Variants in SPIDR observed in about 807,000 individuals in gnomAD.
SPIDR encodes scaffold protein involved in DNA repair, also known as DNA repair-scaffolding protein.
In SPIDR, 93 loss-of-function variants were observed where a neutral mutation model predicts 104.6. That is an observed-to-expected ratio of 0.89 (90% CI 0.75 to 1.06). The LOEUF is 1.06. SPIDR is among the 50% of genes least tolerant of loss of function. SPIDR has a pLI of 0.00. For missense variants in SPIDR, 1,154 were observed against 1,111.2 expected (o/e 1.04, Z -0.55); for synonymous variants, 431 against 416.9 (o/e 1.03, Z -0.41).
intron 8 of SPIDR, among the ~76,000 whole-genome samples, chr8:47,470,742 CT>C (rs200627161): frequency 6.7e-6 from 1 of 148,882 alleles, no homozygotes; most frequent in Non-Finnish European, 1.5e-5. Context: ...GACTAAAACT[CT>C]TTTTTTTTTG....
chr8:47,596,436 G>C (rs545063459), intron 9 of SPIDR, among the ~76,000 whole-genome samples: 137 of 152,306 alleles, frequency 9.0e-4, no homozygotes, highest in African/African-American at 3.2e-3. Context: ...ATGGTGGCAA[G>C]TACTTGTGTA....
At chr8:47,342,324 A>C (rs1378799108) in intron 5 of SPIDR, among the ~76,000 whole-genome samples, 2 of 136,074 alleles carry the variant, frequency 1.5e-5, no homozygotes, top group African/African-American at 2.8e-5. Flanking sequence ...GTACTTTCAA[A>C]GGTCTTTTTT....
intron 8 of SPIDR, among the ~76,000 whole-genome samples, chr8:47,556,346 G>T (rs2091320901): frequency 6.6e-6 from 1 of 152,114 alleles, no homozygotes; most frequent in Non-Finnish European, 1.5e-5. Flanking sequence ...CCATTCATTG[G>T]CTTCATTCTA....
At chr8:47,402,365 T>G (rs1238433191) in intron 6 of SPIDR, among the ~76,000 whole-genome samples, 1 of 152,036 alleles carries the variant, frequency 6.6e-6, no homozygotes, top group Non-Finnish European at 1.5e-5. Context: ...AGAGCAGAAC[T>G]GAAGGAGATA....
At chr8:47,393,387 G>A (rs530240487) in intron 5 of SPIDR, among the ~76,000 whole-genome samples, 8 of 152,192 alleles carry the variant, frequency 5.3e-5, no homozygotes, top group East Asian at 3.9e-4. Flanking sequence ...CCACACCAGC[G>A]TAGTTTCCTC....
chr8:47,383,714 T>C (rs551102842), intron 5 of SPIDR, among the ~76,000 whole-genome samples: 1 of 152,352 alleles, frequency 6.6e-6, no homozygotes, highest in East Asian at 1.9e-4. Flanking sequence ...ACCTGTGTGC[T>C]CTCTTTCTAT....
chr8:47,371,128 G>GTT (rs56285452), intron 5 of SPIDR, among the ~76,000 whole-genome samples: 12 of 128,550 alleles, frequency 9.3e-5, no homozygotes, highest in African/African-American at 1.2e-4. Context: ...ACACAAGCAG[G>GTT]TTTTTTTTTT....
chr8:47,464,981 C>T (rs782555203), intron 8 of SPIDR, among the ~76,000 whole-genome samples: 6 of 152,142 alleles, frequency 3.9e-5, no homozygotes, highest in Non-Finnish European at 5.9e-5. Context: ...CCAGGCTGGT[C>T]TTGAACTCCT....
chr8:47,676,031 T>C lies in SPIDR; in HGVS notation c.1685+2090T>C, dbSNP rs575414407. 7.2e-5 allele frequency among the ~76,000 whole-genome samples: 11 copies of C among 152,366 alleles called. No individual in the cohort carries two copies. The South Asian group carries it at 1.2e-3, about 17-fold the overall frequency. The stretch of plus-strand genomic sequence containing the variant: ...TGTTCTGGCTGGAGACTGCAGGACG[T>C]AGCATCTTACAGAAATACTGCTGGG... On this transcript the variant is annotated intron_variant, in intron 11 of 19. Transcript: ENST00000297423.
At chr8:47,584,245 G>A (rs150453272) in intron 8 of SPIDR, among the ~76,000 whole-genome samples, 1 of 152,128 alleles carries the variant, frequency 6.6e-6, no homozygotes, top group South Asian at 2.1e-4. Context: ...TGATCTTTTG[G>A]ATCTACTTAG....
intron 8 of SPIDR, among the ~76,000 whole-genome samples, chr8:47,569,938 T>C (rs940406209): frequency 2.4e-4 from 36 of 152,292 alleles, no homozygotes; most frequent in African/African-American, 8.2e-4. Flanking sequence ...AAAACAAGTG[T>C]AATACACTCT....
intron 8 of SPIDR, among the ~76,000 whole-genome samples, chr8:47,486,751 C>A (rs931159200): frequency 6.6e-6 from 1 of 152,082 alleles, no homozygotes; most frequent in South Asian, 2.1e-4. Flanking sequence ...AGCCAAACTA[C>A]GCTTCATAAG....
intron 5 of SPIDR, among the ~76,000 whole-genome samples, chr8:47,317,840 G>A (rs959845943): frequency 8.5e-5 from 13 of 152,326 alleles, no homozygotes; most frequent in South Asian, 2.1e-4. Flanking sequence ...GAAACAGGGT[G>A]TGGAGTGGAC....
chr8:47,326,161 G>C (rs557697259), intron 5 of SPIDR, among the ~76,000 whole-genome samples: 2 of 152,114 alleles, frequency 1.3e-5, no homozygotes, highest in African/African-American at 4.8e-5. Flanking sequence ...CGTCCTGCTC[G>C]TTTCTGTATT....
intron 5 of SPIDR, among the ~76,000 whole-genome samples, chr8:47,352,097 T>A (rs1249693698): frequency 1.3e-5 from 2 of 152,126 alleles, no homozygotes; most frequent in African/African-American, 4.8e-5. Flanking sequence ...GCCAACTTGA[T>A]GAAACCCCGT....
intron 16 of SPIDR, among the ~76,000 whole-genome samples, chr8:47,725,039 C>T (rs2084008482): frequency 6.6e-6 from 1 of 152,162 alleles, no homozygotes; most frequent in South Asian, 2.1e-4. Context: ...CTATCTAAAC[C>T]CAGGCTCCAG....
intron 10 of SPIDR, among the ~76,000 whole-genome samples, chr8:47,615,787 G>A (rs1375726056): frequency 6.6e-6 from 1 of 152,042 alleles, no homozygotes; most frequent in African/African-American, 2.4e-5. Context: ...TATGGCAGTA[G>A]CTTAATAATA....
intron 7 of SPIDR, among the ~76,000 whole-genome samples, chr8:47,420,666 C>T (rs1044959754): frequency 6.6e-6 from 1 of 152,052 alleles, no homozygotes; most frequent in South Asian, 2.1e-4. Flanking sequence ...TATGATGTTA[C>T]CTGGTTATTT....
intron 8 of SPIDR, among the ~76,000 whole-genome samples, chr8:47,541,343 T>TG (rs2088090768): frequency 6.6e-6 from 1 of 152,258 alleles, no homozygotes; most frequent in African/African-American, 2.4e-5. Context: ...GGCTCCAGCC[T>TG]GGGTCTTTCT....
Sources: allele counts gnomAD v4.1 joint callset (sites outside exome capture counted in the v4.1 genomes callset), GRCh38; gene constraint gnomAD v4.1.1; transcripts MANE v1.5; gene names NCBI Gene and HGNC (gene_info 2026-07-23, HGNC 2026-07-21).